Variants in FHIT observed in about 807,000 individuals in gnomAD.
The protein encoded by FHIT is bis(5'-adenosyl)-triphosphatase.
Under a neutral mutation model 17.9 loss-of-function variants are expected in FHIT, and 19 were observed. That is an observed-to-expected ratio of 1.06 (90% CI 0.74 to 1.56). The LOEUF is 1.56. FHIT is among the 40% of genes most tolerant of loss of function. The probability of loss-of-function intolerance (pLI) is 0.00; values close to 1 mark genes in which losing one functional copy is unlikely to be tolerated. For missense variants in FHIT, 248 were observed against 189.2 expected, an observed-to-expected ratio of 1.31 and a Z score of -1.82; for synonymous variants, 81 against 69.7, an observed-to-expected ratio of 1.16 and a Z score of -0.81.
At chr3:60,471,024 C>T (rs886700479) in intron 5 of FHIT, among the ~76,000 whole-genome samples, 3 of 152,324 alleles carry the variant, frequency 2.0e-5, no homozygotes, top group Admixed American at 6.5e-5. Flanking sequence ...GAAGCCAAGG[C>T]CTAGAACAGA....
intron 5 of FHIT, among the ~76,000 whole-genome samples, chr3:60,269,575 T>C (rs1706760989): frequency 6.6e-6 from 1 of 152,198 alleles, no homozygotes; most frequent in Non-Finnish European, 1.5e-5. Context: ...ACACAAAAAT[T>C]TTAAAAATGT....
At chr3:60,376,247 C>G (rs1700555944) in intron 5 of FHIT, among the ~76,000 whole-genome samples, 1 of 152,202 alleles carries the variant, frequency 6.6e-6, no homozygotes, top group Non-Finnish European at 1.5e-5. Flanking sequence ...ATGCTTGACA[C>G]ATAGTGTCTA....
At chr3:60,255,455 T>C (rs1476466096) in intron 5 of FHIT, among the ~76,000 whole-genome samples, 4 of 151,848 alleles carry the variant, frequency 2.6e-5, no homozygotes, top group African/African-American at 4.8e-5. Flanking sequence ...CTGAGGATAA[T>C]AGGGAGTAGT....
chr3:59,992,224 C>T (rs1006393127), intron 7 of FHIT, among the ~76,000 whole-genome samples: 1 of 151,970 alleles, frequency 6.6e-6, no homozygotes, highest in Non-Finnish European at 1.5e-5. Context: ...TTACTTTAAA[C>T]CTAACCAAAT....
chr3:60,725,276 A>G (rs75992412), intron 4 of FHIT, among the ~76,000 whole-genome samples: 15,381 of 152,172 alleles, frequency 0.1, 950 homozygotes, highest in African/African-American at 0.16. Flanking sequence ...TTAAAGCATA[A>G]AAGTTTTAAT....
At chr3:60,938,899 T>C (rs1157786216) in intron 3 of FHIT, among the ~76,000 whole-genome samples, 2 of 152,236 alleles carry the variant, frequency 1.3e-5, no homozygotes, top group Admixed American at 6.5e-5. Flanking sequence ...ATTTTTCTCA[T>C]TGCAGGTTAA....
chr3:59,999,783 GT>G (rs1309196233), intron 7 of FHIT, among the ~76,000 whole-genome samples: 1 of 151,852 alleles, frequency 6.6e-6, no homozygotes, highest in African/African-American at 2.4e-5. Context: ...AATTTTTGTA[GT>G]TTTAGTAGAG....
At chr3:61,159,028 A>G (rs998379373) in intron 2 of FHIT, among the ~76,000 whole-genome samples, 27 of 152,350 alleles carry the variant, frequency 1.8e-4, no homozygotes, top group African/African-American at 6.3e-4. Context: ...TGATTGCCCA[A>G]TATTAAATTG....
At chr3:59,832,764 A>G (rs1701209244) in intron 8 of FHIT, among the ~76,000 whole-genome samples, 1 of 152,224 alleles carries the variant, frequency 6.6e-6, no homozygotes, top group South Asian at 2.1e-4. Flanking sequence ...ACTCAGCCTC[A>G]GCTTACATCA....
chr3:60,049,358 A>T (rs13075738), intron 5 of FHIT, among the ~76,000 whole-genome samples: 53,044 of 152,010 alleles, frequency 0.35, 10,628 homozygotes, highest in Middle Eastern at 0.54. Context: ...CAAGTGGAAA[A>T]CTAAATTTGT....
intron 2 of FHIT, among the ~76,000 whole-genome samples, chr3:61,198,928 T>C (rs2038935084): frequency 1.3e-5 from 2 of 151,880 alleles, no homozygotes. Flanking sequence ...ATGATGATGA[T>C]GATGATGATA....
At chr3:60,060,747 CAATGG>C (rs1313997320) in intron 5 of FHIT, among the ~76,000 whole-genome samples, 1 of 152,108 alleles carries the variant, frequency 6.6e-6, no homozygotes, top group Non-Finnish European at 1.5e-5. Flanking sequence ...ATACCAAAAT[CAATGG>C]AATGGTTTTG....
At chr3:60,777,864 T>C (rs4974228) in intron 4 of FHIT, among the ~76,000 whole-genome samples, 25,096 of 152,092 alleles carry the variant, frequency 0.17, 2,451 homozygotes, top group African/African-American at 0.27. Flanking sequence ...TAAAAAAAAA[T>C]CAGAGCTTAG....
At chr3:60,385,149 A>G (rs1205439257) in intron 5 of FHIT, among the ~76,000 whole-genome samples, 4 of 152,194 alleles carry the variant, frequency 2.6e-5, no homozygotes. Context: ...TCTGAATTCT[A>G]CTTGATTCAA....
intron 5 of FHIT, among the ~76,000 whole-genome samples, chr3:60,062,071 G>A (rs1041464446): frequency 6.6e-6 from 1 of 152,140 alleles, no homozygotes; most frequent in Non-Finnish European, 1.5e-5. Context: ...CTAACATCAT[G>A]AATTTCTGTT....
At chr3:61,078,573 G>A (rs933886047) in intron 2 of FHIT, among the ~76,000 whole-genome samples, 12 of 152,228 alleles carry the variant, frequency 7.9e-5, no homozygotes, top group African/African-American at 2.9e-4. Context: ...ATCTACCCAT[G>A]CAGAAATTGG....
At chr3:60,497,962 G>A (rs28594929) in intron 5 of FHIT, among the ~76,000 whole-genome samples, 26 of 151,986 alleles carry the variant, frequency 1.7e-4, no homozygotes, top group African/African-American at 6.3e-4. Context: ...TCTGTAAAGG[G>A]CAAGATAGTA....
intron 4 of FHIT, among the ~76,000 whole-genome samples, chr3:60,538,429 G>GA (rs1291318617): frequency 1.3e-5 from 2 of 151,626 alleles, no homozygotes; most frequent in Admixed American, 6.6e-5. Context: ...CACAGAATTG[G>GA]AAAAAAACTA....
At chr3:60,863,093 A>C (rs923493914) in intron 3 of FHIT, among the ~76,000 whole-genome samples, 8 of 152,184 alleles carry the variant, frequency 5.3e-5, no homozygotes, top group Non-Finnish European at 1.0e-4. Context: ...GCTATGCTGC[A>C]GAGGGAAAGT....
Sources: gnomAD v4.1 joint callset for allele counts (sites outside exome capture counted in the v4.1 genomes callset) on GRCh38, gnomAD v4.1.1 for gene constraint, MANE v1.5 for transcripts, NCBI Gene and HGNC (gene_info 2026-07-23, HGNC 2026-07-21) for gene names.